NAALADL2: variants seen among roughly 807,000 people sequenced by gnomAD.
NAALADL2 encodes N-acetylated alpha-linked acidic dipeptidase like 2.
Under a neutral mutation model 87.2 loss-of-function variants are expected in NAALADL2, and 76 were observed. The ratio of observed to expected loss-of-function variants is 0.87; its 90% CI spans 0.72 to 1.05. NAALADL2 has a LOEUF of 1.05. Among genes scored for constraint, NAALADL2 ranks in the 50% least tolerant of loss-of-function variants. NAALADL2 has a pLI of 0.00. For synonymous variants in NAALADL2, 354 were observed against 331.0 expected (o/e 1.07, Z -0.75); for missense variants, 1,089 against 945.8 (o/e 1.15, Z -1.99).
intron 2 of NAALADL2, among the ~76,000 whole-genome samples, chr3:174,676,459 A>G (rs1274964416): frequency 2.0e-5 from 3 of 152,004 alleles, no homozygotes; most frequent in Non-Finnish European, 4.4e-5. Context: ...ATGTATTCCA[A>G]AATATTTTGT....
At chr3:175,789,058 A>G (rs373925475) in intron 13 of NAALADL2, among the ~76,000 whole-genome samples, 45 of 151,888 alleles carry the variant, frequency 3.0e-4, no homozygotes, top group East Asian at 2.5e-3. Context: ...CTTTTGTTTT[A>G]TTATAAGTAT....
chr3:174,508,118 T>TTTTTTTTTTGTTTTG lies in NAALADL2; in HGVS notation c.-183-42442_-183-42441insGTTTTGTTTTTTTTT, dbSNP rs1413213261. ...TTAGCTATTGGATATCTAGTGGTTT[T>TTTTTTTTTTGTTTTG]TTTTTTTTTTTTTGAGACGAAGTCT... On this transcript the variant is annotated intron_variant, in intron 1 of 3. Coordinates refer to the NAALADL2 transcript ENST00000434257. Among the ~76,000 whole-genome samples, 334 of 141,458 alleles carry TTTTTTTTTTGTTTTG rather than the reference T, an allele frequency of 2.4e-3. 6 individuals carry two copies. Among genetic ancestry groups the TTTTTTTTTTGTTTTG allele is most frequent in the African/African-American group, 8.0e-3 (305 of 38,182 alleles). 92.8% of individuals were successfully genotyped at this position (141,458 alleles called of 152,430 possible). A position where few individuals can be genotyped will look rare whatever the true frequency, so the allele number is the denominator to read the frequency against.
intron 1 of NAALADL2, among the ~76,000 whole-genome samples, chr3:174,990,207 C>T (rs553263691): frequency 4.9e-4 from 74 of 152,196 alleles, no homozygotes; most frequent in African/African-American, 1.7e-3. Context: ...GGTTCTAAGT[C>T]GAAACTATTG....
intron 11 of NAALADL2, among the ~76,000 whole-genome samples, chr3:175,676,965 C>T (rs760373197): frequency 3.4e-4 from 51 of 152,186 alleles, no homozygotes; most frequent in Middle Eastern, 6.8e-3. Flanking sequence ...TGTTTAGAAA[C>T]CAGGAGATAT....
intron 9 of NAALADL2, among the ~76,000 whole-genome samples, chr3:175,481,923 G>A (rs888448910): frequency 6.6e-6 from 1 of 151,840 alleles, no homozygotes; most frequent in African/African-American, 2.4e-5. Context: ...CTTCTGGATT[G>A]GAGTGCCATT....
intron 10 of NAALADL2, among the ~76,000 whole-genome samples, chr3:175,611,530 G>A (rs1724652010): frequency 1.3e-5 from 2 of 152,000 alleles, no homozygotes; most frequent in African/African-American, 2.4e-5. Flanking sequence ...AAGTCTAGAA[G>A]TTTAATGTTC....
chr3:175,716,336 G>C (rs1741278439), intron 11 of NAALADL2, among the ~76,000 whole-genome samples: 1 of 144,918 alleles, frequency 6.9e-6, no homozygotes, highest in South Asian at 2.1e-4. Context: ...ATATATATGT[G>C]TATATAATAT....
rs572779156 is a variant in NAALADL2, at chr3:175,055,824, A to T, written c.44-40966A>T. Among the ~76,000 whole-genome samples the T allele has an allele frequency of 1.7e-3, 262 of 151,880 alleles. 2 individuals carry two copies. The highest frequency in any genetic ancestry group is 0.011 in the South Asian group (55 of 4,812). ...AGGAAACAAAGTATTTCCTTTATCC[A>T]CTCTCAGTCCTGCCATTGCCTGTGC... On this transcript the variant is annotated intron_variant, in intron 1 of 13. Coordinates refer to ENST00000454872, the MANE Select transcript of NAALADL2 (RefSeq NM_207015.3).
chr3:174,668,579 A>C (rs1578484406), intron 2 of NAALADL2, among the ~76,000 whole-genome samples: 2 of 149,924 alleles, frequency 1.3e-5, no homozygotes, highest in African/African-American at 2.5e-5. Flanking sequence ...CTCTCCCCCC[A>C]CCCCGCAACG....
In NAALADL2 at chr3:175,393,876, C is replaced by A. The variant is rs568335232; in HGVS notation, c.1091-53353C>A. Reference sequence around the variant, plus strand: ...TTGGTAGCTATGTCTTCAACCCAACCAGTCCCCCTTTTTGGAGATGAATTT... The same window carrying A: ...TTGGTAGCTATGTCTTCAACCCAACAAGTCCCCCTTTTTGGAGATGAATTT... On this transcript the variant is annotated intron_variant, in intron 5 of 13. Coordinates refer to ENST00000454872, the MANE Select transcript of NAALADL2 (RefSeq NM_207015.3). Among the ~76,000 whole-genome samples the A allele has an allele frequency of 2.6e-5, 4 of 152,274 alleles. No homozygotes were observed. In the South Asian group the frequency reaches 8.3e-4, roughly 32 times the overall value.
intron 2 of NAALADL2, among the ~76,000 whole-genome samples, chr3:174,581,778 G>C (rs1213835777): frequency 6.6e-6 from 1 of 152,144 alleles, no homozygotes; most frequent in Non-Finnish European, 1.5e-5. Context: ...TGCGAGGACT[G>C]ATGCATGTCA....
At chr3:175,510,213 G>A (rs1259882470) in intron 9 of NAALADL2, among the ~76,000 whole-genome samples, 1 of 152,068 alleles carries the variant, frequency 6.6e-6, no homozygotes, top group Non-Finnish European at 1.5e-5. Context: ...GATCTCATGA[G>A]AACTCACTCA....
intron 1 of NAALADL2, among the ~76,000 whole-genome samples, chr3:174,906,867 C>T (rs1046762438): frequency 2.0e-5 from 3 of 152,090 alleles, no homozygotes; most frequent in African/African-American, 7.2e-5. Flanking sequence ...CTTCATTAAT[C>T]ACCTCACCTC....
chr3:174,733,815 T>A (rs1388806132), intron 2 of NAALADL2, among the ~76,000 whole-genome samples: 1 of 152,148 alleles, frequency 6.6e-6, no homozygotes, highest in African/African-American at 2.4e-5. Context: ...TGTCACAATG[T>A]GTGGCAAAAC....
chr3:175,004,798 A>G (rs1748796269), intron 1 of NAALADL2, among the ~76,000 whole-genome samples: 2 of 152,142 alleles, frequency 1.3e-5, no homozygotes, highest in Admixed American at 6.6e-5. Context: ...GTATATATGA[A>G]ACATAAATGC....
chr3:175,090,068 G>GAAGT (rs1457837928), intron 1 of NAALADL2, among the ~76,000 whole-genome samples: 1 of 152,044 alleles, frequency 6.6e-6, no homozygotes, highest in Non-Finnish European at 1.5e-5. Flanking sequence ...AAATTTGATA[G>GAAGT]AAGTAAGTAC....
chr3:175,323,681 A>T (rs1048705260), intron 4 of NAALADL2, among the ~76,000 whole-genome samples: 2 of 150,820 alleles, frequency 1.3e-5, no homozygotes, highest in African/African-American at 4.9e-5. Context: ...AGGCCAGTAG[A>T]AAAAGCTTCT....
chr3:175,472,840 C>T (rs1218670958), intron 9 of NAALADL2, among the ~76,000 whole-genome samples: 1 of 152,114 alleles, frequency 6.6e-6, no homozygotes, highest in African/African-American at 2.4e-5. Context: ...TTCTCCTGCT[C>T]TGTGTACTAC....
chr3:175,621,663 A>C (rs984698917), intron 10 of NAALADL2, among the ~76,000 whole-genome samples: 17 of 152,358 alleles, frequency 1.1e-4, no homozygotes, highest in African/African-American at 4.1e-4. Flanking sequence ...AATAAGAAAA[A>C]TACTATAAAT....
Sources: allele counts gnomAD v4.1 joint callset (sites outside exome capture counted in the v4.1 genomes callset), GRCh38; gene constraint gnomAD v4.1.1; transcripts MANE v1.5; gene names NCBI Gene and HGNC (gene_info 2026-07-23, HGNC 2026-07-21).